CREB5: variants seen among roughly 807,000 people sequenced by gnomAD.
CREB5 encodes the protein cAMP responsive element binding protein 5, also known as cyclic AMP-responsive element-binding protein 5.
Under a neutral mutation model 57.1 loss-of-function variants are expected in CREB5, and 19 were observed. The observed-to-expected ratio is 0.33, with a 90% CI of 0.23 to 0.49. CREB5 has a LOEUF of 0.49. CREB5 is among the 20% of genes least tolerant of loss of function. CREB5 has a pLI of 0.99. For synonymous variants in CREB5, 238 were observed against 238.3 expected (o/e 1.00, Z 0.01); for missense variants, 579 against 671.6 (o/e 0.86, Z 1.52).
At chr7:28,508,089 G>C (rs556850042) in intron 4 of CREB5, among the ~76,000 whole-genome samples, 4 of 152,274 alleles carry the variant, frequency 2.6e-5, no homozygotes. Context: ...GATTTCATCA[G>C]ACTTTGGCCC....
rs143275099 is a variant in CREB5 at position 28,440,893 on chromosome 7, C to T, written c.3+27976C>T. Among the ~76,000 whole-genome samples, 302 of 152,236 alleles carry T rather than the reference C, an allele frequency of 2.0e-3. 1 individual carries two copies. Among genetic ancestry groups the T allele is most frequent in the African/African-American group, 6.9e-3 (285 of 41,536 alleles). ...TGGGGAGGTCCAAGGAGATTGGCCA[C>T]GGCCATCAGAAGAGGGCACGCTGAG... is the stretch of plus-strand genomic sequence containing the variant. On this transcript the variant is annotated intron_variant, in intron 1 of 10. Coordinates refer to ENST00000357727, the MANE Select transcript of CREB5 (RefSeq NM_182898.4).
At chr7:28,543,817 G>T (rs929692990) in intron 4 of CREB5, among the ~76,000 whole-genome samples, 3 of 151,836 alleles carry the variant, frequency 2.0e-5, no homozygotes, top group African/African-American at 7.3e-5. Flanking sequence ...TCCACACGGG[G>T]AGTGGGCATG....
At chr7:28,714,084 T>C (rs535652910) in intron 5 of CREB5, among the ~76,000 whole-genome samples, 82 of 152,130 alleles carry the variant, frequency 5.4e-4, no homozygotes, top group African/African-American at 1.9e-3. Flanking sequence ...GCTCAAGTGA[T>C]CCTCTCACCT....
intron 1 of CREB5, among the ~76,000 whole-genome samples, chr7:28,328,441 C>G (rs77511624): frequency 0.022 from 3,393 of 152,218 alleles, 113 homozygotes; most frequent in African/African-American, 0.078. Flanking sequence ...AAGAGAAAAG[C>G]CTTCAAACAA....
In CREB5 at chr7:28,461,324, A is replaced by G. The variant is rs149716074; in HGVS notation, c.4-26851A>G. On this transcript the variant is annotated intron_variant, in intron 1 of 10. Coordinates refer to ENST00000357727, the MANE Select transcript of CREB5 (RefSeq NM_182898.4). ...CCTAGGATTTAGTGGGAGAATTTAC[A>G]TATTTGTTCAACAAATGTTTATGGA... 2.8e-4 allele frequency among the ~76,000 whole-genome samples: 42 copies of G among 152,316 alleles called. No homozygotes were observed. In the East Asian group the frequency reaches 7.9e-3, roughly 29 times the overall value.
chr7:28,700,356 C>G (rs761750042), intron 5 of CREB5, among the ~76,000 whole-genome samples: 4 of 152,140 alleles, frequency 2.6e-5, no homozygotes, highest in Admixed American at 6.6e-5. Context: ...TTAAATAACA[C>G]TTTGAGGGGT....
intron 1 of CREB5, among the ~76,000 whole-genome samples, chr7:28,475,971 C>T (rs1036438625): frequency 3.3e-5 from 5 of 152,130 alleles, no homozygotes; most frequent in African/African-American, 9.7e-5. Flanking sequence ...CTATTAAACC[C>T]GTCTTAGTCT....
chr7:28,340,146 G>T (rs952665701), intron 1 of CREB5, among the ~76,000 whole-genome samples: 1 of 152,084 alleles, frequency 6.6e-6, no homozygotes, highest in African/African-American at 2.4e-5. Flanking sequence ...GGCCAAACTC[G>T]TACCTAAGGT....
At chr7:28,398,173 A>G (rs1403525429) in intron 1 of CREB5, among the ~76,000 whole-genome samples, 1 of 152,116 alleles carries the variant, frequency 6.6e-6, no homozygotes, top group Non-Finnish European at 1.5e-5. Flanking sequence ...TTTAAGTACC[A>G]GGCTCTACCA....
chr7:28,700,008 A>G lies in CREB5; in HGVS notation c.465-18745A>G, dbSNP rs1383277995. On this transcript the variant is annotated intron_variant, in intron 5 of 10. Coordinates refer to ENST00000357727, the MANE Select transcript of CREB5 (RefSeq NM_182898.4). ...ATGTATATAGTTCCCAATTTGGTGT[A>G]TACAAGGGCATCACCTAAATGGGAC... Among the ~76,000 whole-genome samples, 3 of 152,224 alleles carry G rather than the reference A, an allele frequency of 2.0e-5. No individual in the cohort carries two copies. The East Asian group carries it at 5.8e-4, about 29-fold the overall frequency.
chr7:28,570,630 GT>G, intron 5 of CREB5, 93 bp downstream of exon 5: 2 of 1,428,018 alleles, frequency 1.4e-6, no homozygotes, highest in Non-Finnish European at 1.9e-6. Context: ...AGATTGGTTG[GT>G]TTTTCTGGCT....
intron 1 of CREB5, among the ~76,000 whole-genome samples, chr7:28,338,754 A>G (rs1261277467): frequency 2.0e-5 from 3 of 151,998 alleles, no homozygotes; most frequent in Non-Finnish European, 4.4e-5. Context: ...TAACTCTTAG[A>G]GTTGCCCTTT....
At chr7:28,395,818 T>C (rs1396383290) in intron 1 of CREB5, among the ~76,000 whole-genome samples, 1 of 151,882 alleles carries the variant, frequency 6.6e-6, no homozygotes, top group African/African-American at 2.4e-5. Context: ...TTTTCTGTAG[T>C]AACTCTAGGC....
rs1262271618 is a variant in CREB5, at chr7:28,560,809, CGT to C, written c.292-9544_292-9543del. On this transcript the variant is annotated intron_variant, in intron 4 of 10. Transcript: ENST00000357727. ...TCTCTGCTTCCACAGTGTGTGTGCG[CGT>C]GTGTGTGTGTGCGCGCGCGCGCGTG... Among the ~76,000 whole-genome samples the C allele has an allele frequency of 4.1e-3, 79 of 19,408 alleles. 20 individuals are homozygous for C. Among genetic ancestry groups the C allele is most frequent in the African/African-American group, 7.0e-3 (53 of 7,526 alleles). The allele number at this position is 19,408 out of a possible 152,430, so 12.7% of individuals were successfully genotyped here. A position where few individuals can be genotyped will look rare whatever the true frequency, so the allele number is the denominator to read the frequency against.
At chr7:28,460,312 A>G (rs1000652436) in intron 1 of CREB5, among the ~76,000 whole-genome samples, 8 of 152,252 alleles carry the variant, frequency 5.3e-5, no homozygotes, top group Non-Finnish European at 1.0e-4. Flanking sequence ...ATATAGACAT[A>G]CCATATCTAA....
intron 1 of CREB5, among the ~76,000 whole-genome samples, chr7:28,329,010 C>T (rs532311153): frequency 1.2e-4 from 18 of 152,298 alleles, no homozygotes; most frequent in African/African-American, 4.3e-4. Flanking sequence ...GTCATCTGTT[C>T]TTTTGTTATG....
At chr7:28,608,708 A>G (rs1017928286) in intron 5 of CREB5, among the ~76,000 whole-genome samples, 4 of 152,226 alleles carry the variant, frequency 2.6e-5, no homozygotes, top group Admixed American at 6.5e-5. Context: ...AATCATTACC[A>G]TACAAAACCA....
chr7:28,456,361 C>T (rs1383284429), intron 1 of CREB5, among the ~76,000 whole-genome samples: 7 of 152,202 alleles, frequency 4.6e-5, no homozygotes, highest in African/African-American at 1.7e-4. Context: ...CAGGCATTTG[C>T]TGGTCATGAA....
Position 28,662,809 on chromosome 7 carries a change from CATTG to C in CREB5, c.465-55937_465-55934del, listed in dbSNP as rs200278130. ...ACTGTCAGCTTTACTATTTAGTACT[CATTG>C]ATTGATGCAGAGGATGGTATACATA... On this transcript the variant is annotated intron_variant, in intron 5 of 10. Coordinates refer to ENST00000357727, the MANE Select transcript of CREB5 (RefSeq NM_182898.4). Among the ~76,000 whole-genome samples, 896 of 152,226 alleles carry C rather than the reference CATTG, an allele frequency of 5.9e-3. 2 individuals are homozygous for C. Among genetic ancestry groups the C allele is most frequent in the Non-Finnish European group, 7.5e-3 (507 of 68,018 alleles).
Sources: allele counts gnomAD v4.1 joint callset (sites outside exome capture counted in the v4.1 genomes callset), GRCh38; gene constraint gnomAD v4.1.1; transcripts MANE v1.5; gene names NCBI Gene and HGNC (gene_info 2026-07-23, HGNC 2026-07-21).